Variants in CENPF observed in about 807,000 individuals in gnomAD.
CENPF encodes centromere protein F.
CENPF carries 214 observed loss-of-function variants against 307.3 expected under a neutral mutation model. The ratio of observed to expected loss-of-function variants is 0.70; its 90% CI spans 0.62 to 0.78. CENPF has a LOEUF of 0.78. Among genes scored for constraint, CENPF ranks in the 30% least tolerant of loss-of-function variants. CENPF has a pLI of 0.00. For synonymous variants in CENPF, 1,259 were observed against 1,270.6 expected (o/e 0.99, Z 0.19); for missense variants, 3,401 against 3,483.9 (o/e 0.98, Z 0.60).
chr1:214,653,105 A>G, intron 16 of CENPF, 116 bp downstream of exon 16: 3 of 950,714 alleles, frequency 3.2e-6, no homozygotes, highest in Non-Finnish European at 5.1e-6. Context: ...TTGGTAGTCA[A>G]AAATGATGTC....
intron 1 of CENPF, chr1:214,608,497 A>T: frequency 6.2e-7 from 1 of 1,612,356 alleles, no homozygotes; most frequent in Non-Finnish European, 8.5e-7. Flanking sequence ...GTGCGAGAAG[A>T]GGACCGTGTA....
chr1:214,633,113 A>G lies in CENPF; in HGVS notation c.1446+511A>G, dbSNP rs1194574262. On this transcript the variant is annotated intron_variant, in intron 10 of 19. Transcript: ENST00000366955. ...GTTTCTAGATTAAAAATTCTTATAA[A>G]AACATCAAGCAATTGTCAATTATAT... 2.0e-5 allele frequency among the ~76,000 whole-genome samples: 3 copies of G among 152,242 alleles called. No homozygotes were observed. The East Asian group carries it at 5.8e-4, about 29-fold the overall frequency.
At chr1:214,637,319 A>T (rs1657990166) in intron 10 of CENPF, among the ~76,000 whole-genome samples, 1 of 152,182 alleles carries the variant, frequency 6.6e-6, no homozygotes, top group Admixed American at 6.5e-5. Context: ...TTATATTTGC[A>T]TTTTTTGTAA....
chr1:214,613,678 C>T, intron 1 of CENPF, 36 bp from the exon 2 acceptor site: 6 of 1,385,982 alleles, frequency 4.3e-6, no homozygotes, highest in Non-Finnish European at 5.8e-6. Context: ...TTTCCTTTTA[C>T]TGTGGTAAGA....
chr1:214,638,073 A>C, intron 11 of CENPF, 72 bp downstream of exon 11: 2 of 1,417,662 alleles, frequency 1.4e-6, no homozygotes, highest in East Asian at 4.9e-5. Context: ...GATGGCATTA[A>C]CATATTAGAG....
At chr1:214,655,187 T>C in intron 16 of CENPF, 54 bp from the exon 17 acceptor site, 10 of 1,159,286 alleles carry the variant, frequency 8.6e-6, no homozygotes, top group Non-Finnish European at 1.2e-5. Flanking sequence ...TATTTTTCCA[T>C]ATGCTTATAA....
chr1:214,617,080 T>C (rs907281931), intron 3 of CENPF, among the ~76,000 whole-genome samples: 1 of 151,210 alleles, frequency 6.6e-6, no homozygotes, highest in Admixed American at 6.6e-5. Flanking sequence ...AAAGTCTTGC[T>C]CTGTTGCCCA....
chr1:214,662,542 G>A (rs990423880), intron 19 of CENPF, among the ~76,000 whole-genome samples: 1 of 152,180 alleles, frequency 6.6e-6, no homozygotes, highest in African/African-American at 2.4e-5. Flanking sequence ...ATCAGAAGGA[G>A]ATCCCTGGAA....
chr1:214,605,441 G>GTTT (rs201067704), intron 1 of CENPF: 54 of 401,496 alleles, frequency 1.3e-4, no homozygotes, highest in East Asian at 2.3e-4. Context: ...AATCCGCTTT[G>GTTT]TTTTTTTTTT....
In CENPF at chr1:214,647,260, G is replaced by A. The variant is rs1227645205; in HGVS notation, c.7690G>A (p.Glu2564Lys). The change falls in exon 13 of 20, where the codon GAA becomes AAA. Residue 2564 changes from glutamate to lysine, a missense_variant. Glu to Lys is a moderately conservative substitution (Grantham distance 56, BLOSUM62 1). Coordinates refer to ENST00000366955, the MANE Select transcript of CENPF (RefSeq NM_016343.4). ...QNLELRNLTV[E>K]LEQKIQVLQS... ...CTTAGAACTGAGAAATCTGACAGTG[G>A]AATTGGAGCAGAAGATCCAAGTGCT... 6.2e-7 allele frequency: 1 copy of A among 1,614,070 alleles called. No homozygotes were observed. Among genetic ancestry groups the A allele is most frequent in the Admixed American group, 1.7e-5 (1 of 60,026 alleles).
At chr1:214,649,406 A>G (rs927966378) in intron 14 of CENPF, among the ~76,000 whole-genome samples, 1 of 152,218 alleles carries the variant, frequency 6.6e-6, no homozygotes, top group African/African-American at 2.4e-5. Context: ...GAGCTGGCAG[A>G]TGAAATGAAA....
chr1:214,632,422 G>A (rs1657832643), intron 9 of CENPF, 58 bp from the exon 10 acceptor site: 1 of 1,568,664 alleles, frequency 6.4e-7, no homozygotes, highest in Admixed American at 1.8e-5. Flanking sequence ...AAGAATACAT[G>A]ATTAATGAAA....
At chr1:214,608,874 G>A in intron 1 of CENPF, 3 of 1,472,906 alleles carry the variant, frequency 2.0e-6, no homozygotes, top group South Asian at 2.6e-5. Context: ...CCCCACCGGG[G>A]CCCCAGCCAA....
intron 10 of CENPF, among the ~76,000 whole-genome samples, chr1:214,637,399 A>G (rs536136447): frequency 1.3e-5 from 2 of 152,242 alleles, no homozygotes; most frequent in South Asian, 4.1e-4. Flanking sequence ...TTTTTCCCAC[A>G]GAATCATTCC....
Position 214,646,507 on chromosome 1 carries a change from G to A in CENPF, c.6937G>A (p.Asp2313Asn), listed in dbSNP as rs138428805. The part of the protein sequence containing the change: ...IEKLRARLEA[D>N]EKKQLCVLQQ... ...AAAGCTGAGAGCCCGCCTAGAAGCT[G>A]ATGAAAAGAAGCAGCTCTGTGTCTT... is the stretch of plus-strand genomic sequence containing the variant. The change falls in exon 13 of 20, where the codon GAT becomes AAT. Residue 2313 changes from aspartate (D) to asparagine (N), a missense_variant. Transcript: ENST00000366955. The A allele has an allele frequency of 1.3e-3, 2,035 of 1,614,126 alleles. 1 individual carries two copies. The highest frequency in any genetic ancestry group is 1.6e-3 in the Non-Finnish European group (1,842 of 1,180,010).
chr1:214,614,936 A>G lies in CENPF; in HGVS notation c.267A>G (p.Glu89=). Residue 89 remains glutamate, a synonymous_variant, in exon 3 of 20, where the codon GAA becomes GAG. Transcript: ENST00000366955. Reference sequence around the variant, plus strand: ...AAACTAAGCAGAAGATTTCTCATGAACTTCAAGTCAAGGAGTCACAAGTGA... The same window carrying G: ...AAACTAAGCAGAAGATTTCTCATGAGCTTCAAGTCAAGGAGTCACAAGTGA... ...LEKTKQKISH[E]LQVKESQVNF... 1 of 1,612,512 alleles carries G rather than the reference A, an allele frequency of 6.2e-7. No individual in the cohort carries two copies.
chr1:214,626,921 A>C lies in CENPF; in HGVS notation c.1069-2125A>C, dbSNP rs150709260. Among the ~76,000 whole-genome samples the C allele has an allele frequency of 1.4e-3, 210 of 152,276 alleles. 2 individuals are homozygous for C. Among genetic ancestry groups the C allele is most frequent in the African/African-American group, 4.9e-3 (203 of 41,570 alleles). ...ACATTTCTCCTTTTACACTTTACTT[A>C]TTTGGTTTTGGAGTGACAAGTTCAC... is the stretch of plus-strand genomic sequence containing the variant. On this transcript the variant is annotated intron_variant, in intron 7 of 19. Transcript: ENST00000366955.
Position 214,647,275 on chromosome 1 carries a change from A to G in CENPF, c.7705A>G (p.Ile2569Val). Residue 2569 changes from isoleucine (I) to valine (V), a missense_variant, in exon 13 of 20, where the codon ATC becomes GTC. Physicochemically the swap from Ile to Val is conservative, Grantham distance 29 (BLOSUM62 3). Transcript: ENST00000366955. ...TCTGACAGTGGAATTGGAGCAGAAG[A>G]TCCAAGTGCTACAATCCAAAAATGC... ...RNLTVELEQK[I>V]QVLQSKNASL... The G allele has an allele frequency of 6.2e-7, 1 of 1,614,136 alleles. No individual in the cohort carries two copies. Among genetic ancestry groups the G allele is most frequent in the Non-Finnish European group, 8.5e-7 (1 of 1,179,972 alleles).
chr1:214,630,718 T>A, intron 9 of CENPF, 56 bp downstream of exon 9: 1 of 1,585,420 alleles, frequency 6.3e-7, no homozygotes, highest in Non-Finnish European at 8.6e-7. Flanking sequence ...TCCTTGTACT[T>A]GTTACTTCTC....
Sources: allele counts gnomAD v4.1 joint callset (sites outside exome capture counted in the v4.1 genomes callset), GRCh38; gene constraint gnomAD v4.1.1; transcripts MANE v1.5; gene names NCBI Gene and HGNC (gene_info 2026-07-23, HGNC 2026-07-21).